Variants in PRTFDC1 observed in about 807,000 individuals in gnomAD.
The protein encoded by PRTFDC1 is phosphoribosyltransferase domain-containing protein 1.
A neutral mutation model predicts 34.6 loss-of-function variants in PRTFDC1; 38 were observed. The observed-to-expected ratio is 1.10, with a 90% CI of 0.85 to 1.44. The LOEUF (loss-of-function observed/expected upper bound fraction) is 1.44. Ranked by LOEUF, PRTFDC1 falls within the 40% of genes most tolerant of loss-of-function variation. The pLI, the probability that PRTFDC1 is intolerant of heterozygous loss-of-function variation, is 0.00. For missense variants in PRTFDC1, 270 were observed against 283.0 expected, an observed-to-expected ratio of 0.95 and a Z score of 0.33; for synonymous variants, 93 against 98.1, an observed-to-expected ratio of 0.95 and a Z score of 0.31.
intron 3 of PRTFDC1, among the ~76,000 whole-genome samples, chr10:24,925,851 T>C (rs1023063707): frequency 3.3e-5 from 5 of 152,210 alleles, no homozygotes; most frequent in Non-Finnish European, 7.3e-5. Context: ...GGGTTGGAAC[T>C]CTGTGGAACT....
chr10:24,896,166 C>A (rs1318439307), intron 3 of PRTFDC1, among the ~76,000 whole-genome samples: 1 of 152,212 alleles, frequency 6.6e-6, no homozygotes, highest in Admixed American at 6.5e-5. Flanking sequence ...AACAGGGCCA[C>A]ACAGCAGGAG....
intron 1 of PRTFDC1, among the ~76,000 whole-genome samples, chr10:24,950,427 G>A (rs1053863226): frequency 2.0e-5 from 3 of 152,108 alleles, no homozygotes; most frequent in African/African-American, 4.8e-5. Context: ...TGCTCAGAAA[G>A]TTTCAGATTT....
chr10:24,851,089 T>A (rs1847478612), intron 8 of PRTFDC1, among the ~76,000 whole-genome samples: 1 of 152,208 alleles, frequency 6.6e-6, no homozygotes, highest in African/African-American at 2.4e-5. Context: ...TTGTTATGGT[T>A]GGTTGGGCAC....
chr10:24,951,691 C>CTTGTGTAT, intron 1 of PRTFDC1: 7 of 853,014 alleles, frequency 8.2e-6, no homozygotes, highest in Non-Finnish European at 9.9e-6. Context: ...GTTATAACCA[C>CTTGTGTAT]CACCTTCTAG....
chr10:24,878,519 G>C (rs777774764), intron 3 of PRTFDC1, among the ~76,000 whole-genome samples: 18 of 152,198 alleles, frequency 1.2e-4, no homozygotes, highest in Non-Finnish European at 4.4e-5. Flanking sequence ...ATCTCCGTAG[G>C]AATGCTGGTG....
At chr10:24,861,106 G>T (rs1489272959) in intron 4 of PRTFDC1, among the ~76,000 whole-genome samples, 2 of 152,158 alleles carry the variant, frequency 1.3e-5, no homozygotes, top group Non-Finnish European at 2.9e-5. Flanking sequence ...TGGTAAGTGG[G>T]AAGTAGGATT....
rs1033972945 is a variant in PRTFDC1 at position 24,849,632 on chromosome 10, C to A, written c.*212G>T. 3.9e-6 allele frequency: 2 copies of A among 513,640 alleles called. No homozygotes were observed. The highest frequency in any genetic ancestry group is 3.8e-5 in the African/African-American group (2 of 52,156). 31.8% of individuals were successfully genotyped at this position (513,640 alleles called of 1,614,324 possible). On this transcript the variant is annotated 3_prime_UTR_variant, in exon 9 of 9. Coordinates refer to ENST00000320152, the MANE Select transcript of PRTFDC1 (RefSeq NM_020200.7). ...ACAAGGCGGAGTGTTTAATTTGGAA[C>A]AAGTCAAATAAAAGCACTGCTTTCT...
At chr10:24,891,582 C>T (rs1384049913) in intron 3 of PRTFDC1, among the ~76,000 whole-genome samples, 1 of 151,278 alleles carries the variant, frequency 6.6e-6, no homozygotes. Context: ...GGCTTGAGCT[C>T]AGGACTTCAA....
At chr10:24,895,859 C>A (rs953684279) in intron 3 of PRTFDC1, among the ~76,000 whole-genome samples, 2 of 151,680 alleles carry the variant, frequency 1.3e-5, no homozygotes, top group Admixed American at 6.6e-5. Context: ...TGAGTACAGA[C>A]CTTCCATATA....
chr10:24,862,463 C>G (rs940066945), intron 4 of PRTFDC1, among the ~76,000 whole-genome samples: 1 of 152,140 alleles, frequency 6.6e-6, no homozygotes, highest in Non-Finnish European at 1.5e-5. Flanking sequence ...CAACCTCTGC[C>G]TCTTGGGTTC....
chr10:24,939,183 C>T (rs868692128), intron 2 of PRTFDC1, among the ~76,000 whole-genome samples: 2 of 151,552 alleles, frequency 1.3e-5, no homozygotes, highest in Middle Eastern at 3.4e-3. Context: ...CGCCTGTAAT[C>T]CCAGCTACTC....
intron 3 of PRTFDC1, among the ~76,000 whole-genome samples, chr10:24,917,600 C>T (rs1181614258): frequency 1.3e-5 from 2 of 152,016 alleles, no homozygotes; most frequent in Non-Finnish European, 1.5e-5. Context: ...TCTGTTTCAT[C>T]TGGTGTTTCA....
chr10:24,880,653 T>C (rs1848051167), intron 3 of PRTFDC1, among the ~76,000 whole-genome samples: 1 of 152,220 alleles, frequency 6.6e-6, no homozygotes, highest in Non-Finnish European at 1.5e-5. Context: ...GCTGTCCCTC[T>C]GGTGCCAATC....
chr10:24,862,178 CA>C (rs1172252095), intron 4 of PRTFDC1, among the ~76,000 whole-genome samples: 1 of 151,950 alleles, frequency 6.6e-6, no homozygotes, highest in African/African-American at 2.4e-5. Flanking sequence ...TATGTATAGC[CA>C]AACTATTATA....
At chr10:24,945,646 G>A (rs1426222152) in intron 1 of PRTFDC1, among the ~76,000 whole-genome samples, 1 of 152,264 alleles carries the variant, frequency 6.6e-6, no homozygotes, top group South Asian at 2.1e-4. Context: ...TTGTAGAGAC[G>A]AGGTCTGGCT....
chr10:24,952,438 C>T lies in PRTFDC1; in HGVS notation c.48+90G>A, dbSNP rs561548044. 6.9e-6 allele frequency: 10 copies of T among 1,439,634 alleles called. No homozygotes were observed. The African/African-American group carries it at 9.9e-5, about 14-fold the overall frequency. 89.2% of individuals were successfully genotyped at this position (1,439,634 alleles called of 1,614,324 possible). On this transcript the variant is annotated intron_variant, in intron 1 of 8. Coordinates refer to ENST00000320152, the MANE Select transcript of PRTFDC1 (RefSeq NM_020200.7). This position sits in a 1 kb window ranked among gnomAD's most constrained non-coding sequence, Gnocchi z 5.1. The stretch of plus-strand genomic sequence containing the variant: ...AACAAAGCGGTGGCCCTCTCTCTCC[C>T]CCGACGCACGGCAAGCATTTAATCT...
chr10:24,908,563 G>T (rs1848574746), intron 3 of PRTFDC1: 1 of 1,612,686 alleles, frequency 6.2e-7, no homozygotes, highest in African/African-American at 1.3e-5. Context: ...TGAGCACTTG[G>T]AGGTAACCTC....
At chr10:24,883,981 G>T (rs1848123781) in intron 3 of PRTFDC1, among the ~76,000 whole-genome samples, 1 of 151,796 alleles carries the variant, frequency 6.6e-6, no homozygotes, top group African/African-American at 2.4e-5. Context: ...GCACCATCAT[G>T]CCTGGATAAT....
intron 3 of PRTFDC1, among the ~76,000 whole-genome samples, chr10:24,880,826 T>TCTTTCTTTCTTTCTTTCTTC (rs1848060452): frequency 8.7e-6 from 1 of 115,488 alleles, no homozygotes; most frequent in African/African-American, 4.1e-5. Context: ...TTTCTTTCTT[T>TCTTTCTTTCTTTCTTTCTTC]CTTTCTTTCT....
Sources: gnomAD v4.1 joint callset for allele counts (sites outside exome capture counted in the v4.1 genomes callset) on GRCh38, gnomAD v4.1.1 for gene constraint, Gnocchi (gnomAD v3.1) non-coding constraint, MANE v1.5 for transcripts, NCBI Gene and HGNC (gene_info 2026-07-23, HGNC 2026-07-21) for gene names.